Variants in FAF1 observed in about 807,000 individuals in gnomAD.
FAF1 encodes the protein Fas associated factor 1, also known as FAS-associated factor 1.
Under a neutral mutation model 92.5 loss-of-function variants are expected in FAF1, and 25 were observed. The observed-to-expected ratio is 0.27, with a 90% CI of 0.20 to 0.38. FAF1 has a LOEUF of 0.38. Among genes scored for constraint, FAF1 ranks in the 10% least tolerant of loss-of-function variants. The pLI, the probability that FAF1 is intolerant of heterozygous loss-of-function variation, is 1.00. For missense variants in FAF1, 636 were observed against 793.3 expected, an observed-to-expected ratio of 0.80 and a Z score of 2.38; for synonymous variants, 234 against 273.2, an observed-to-expected ratio of 0.86 and a Z score of 1.42.
chr1:50,558,764 G>T (rs1649720160), intron 13 of FAF1, among the ~76,000 whole-genome samples: 1 of 152,156 alleles, frequency 6.6e-6, no homozygotes, highest in Non-Finnish European at 1.5e-5. Context: ...TTCCTGAATA[G>T]CATTAATTAG....
At chr1:50,479,160 C>A (rs1646671722) in intron 17 of FAF1, among the ~76,000 whole-genome samples, 1 of 152,214 alleles carries the variant, frequency 6.6e-6, no homozygotes, top group African/African-American at 2.4e-5. Flanking sequence ...TTATGAATTT[C>A]AGTTTCCTCA....
chr1:50,557,643 A>T (rs544745517), intron 13 of FAF1, among the ~76,000 whole-genome samples: 7 of 152,278 alleles, frequency 4.6e-5, no homozygotes, highest in African/African-American at 1.7e-4. Context: ...AATTACTTAT[A>T]TCACTGAACT....
At chr1:50,623,775 CTACAAAAAA>C (rs1653325549) in intron 8 of FAF1, among the ~76,000 whole-genome samples, 1 of 151,656 alleles carries the variant, frequency 6.6e-6, no homozygotes, top group Non-Finnish European at 1.5e-5. Flanking sequence ...AACCCTGTCT[CTACAAAAAA>C]TACAAAAAAT....
chr1:50,492,068 AC>A (rs35112243), intron 15 of FAF1, among the ~76,000 whole-genome samples: 4,190 of 152,302 alleles, frequency 0.028, 173 homozygotes, highest in African/African-American at 0.093. Context: ...CAGTTTCCTC[AC>A]TTGCAAAACA....
intron 6 of FAF1, among the ~76,000 whole-genome samples, chr1:50,725,445 C>T (rs960281480): frequency 6.6e-6 from 1 of 152,084 alleles, no homozygotes; most frequent in South Asian, 2.1e-4. Flanking sequence ...AGGACAAAAA[C>T]AAAAAGACAT....
intron 6 of FAF1, among the ~76,000 whole-genome samples, chr1:50,707,977 T>G (rs991594979): frequency 6.6e-6 from 1 of 152,174 alleles, no homozygotes; most frequent in Non-Finnish European, 1.5e-5. Flanking sequence ...GCCCAGTTAA[T>G]TTTTGTATTT....
At chr1:50,724,308 C>CACATACACACACACACACAT (rs921544551) in intron 6 of FAF1, among the ~76,000 whole-genome samples, 1 of 140,166 alleles carries the variant, frequency 7.1e-6, no homozygotes, top group African/African-American at 2.6e-5. Context: ...CACACACACA[C>CACATACACACACACACACAT]ACACACACAC....
chr1:50,655,414 TA>T, intron 8 of FAF1, 27 bp downstream of exon 8: 1 of 1,501,372 alleles, frequency 6.7e-7, no homozygotes, highest in Non-Finnish European at 9.3e-7. Flanking sequence ...AAGGAGGATA[TA>T]AAACTGAAAA....
chr1:50,746,347 A>G (rs1336162190), intron 4 of FAF1, among the ~76,000 whole-genome samples: 3 of 113,958 alleles, frequency 2.6e-5, no homozygotes, highest in Non-Finnish European at 4.9e-5. Flanking sequence ...CTTGTTGCCC[A>G]GGCTGGAGTG....
At chr1:50,834,429 T>C (rs1266803837) in intron 2 of FAF1, among the ~76,000 whole-genome samples, 2 of 152,196 alleles carry the variant, frequency 1.3e-5, no homozygotes, top group African/African-American at 4.8e-5. Context: ...CTCAAAACCC[T>C]TCCCAAGAAA....
chr1:50,888,285 A>G (rs538299830), intron 1 of FAF1, among the ~76,000 whole-genome samples: 3 of 152,264 alleles, frequency 2.0e-5, no homozygotes, highest in African/African-American at 7.2e-5. Flanking sequence ...GGCTGAGACG[A>G]TGGGGTTTTC....
intron 7 of FAF1, among the ~76,000 whole-genome samples, chr1:50,687,892 T>C (rs1656740785): frequency 6.6e-6 from 1 of 151,964 alleles, no homozygotes; most frequent in South Asian, 2.1e-4. Context: ...TCCCAGCACT[T>C]TGTGAGGCCA....
chr1:50,502,640 G>A lies in FAF1; in HGVS notation c.1495-10839C>T, dbSNP rs557575042. On this transcript the variant is annotated intron_variant, in intron 15 of 18. Coordinates refer to ENST00000396153, the MANE Select transcript of FAF1 (RefSeq NM_007051.3). Reference sequence around the variant, plus strand: ...GCTGGAGGCTGGACTTGCCGTATATGTCAGCAGCCTGTTTTAAGATCCAGG... The same window carrying A: ...GCTGGAGGCTGGACTTGCCGTATATATCAGCAGCCTGTTTTAAGATCCAGG... 3.3e-5 allele frequency among the ~76,000 whole-genome samples: 5 copies of A among 152,282 alleles called. No homozygotes were observed. The East Asian group carries it at 9.7e-4, about 29-fold the overall frequency.
At chr1:50,513,267 C>A (rs1647160698) in intron 15 of FAF1, among the ~76,000 whole-genome samples, 1 of 152,090 alleles carries the variant, frequency 6.6e-6, no homozygotes, top group Non-Finnish European at 1.5e-5. Context: ...ATTGCTTGAG[C>A]CCAGGAGTTC....
chr1:50,724,296 T>TATAC (rs1553132403), intron 6 of FAF1, among the ~76,000 whole-genome samples: 4 of 117,136 alleles, frequency 3.4e-5, no homozygotes, highest in African/African-American at 9.4e-5. Flanking sequence ...CACACACACA[T>TATAC]ACACACACAC....
chr1:50,545,249 T>C (rs2149043248), intron 13 of FAF1, among the ~76,000 whole-genome samples: 1 of 152,260 alleles, frequency 6.6e-6, no homozygotes, highest in African/African-American at 2.4e-5. Context: ...AAATTACACA[T>C]ATTGAATTTG....
chr1:50,820,613 T>C lies in FAF1; in HGVS notation c.115-18936A>G, dbSNP rs112217847. On this transcript the variant is annotated intron_variant, in intron 2 of 18. Coordinates refer to ENST00000396153, the MANE Select transcript of FAF1 (RefSeq NM_007051.3). ...CTTAGATCCTCAGAATTTATTCATG[T>C]TACAACTGAAAGTTTGTACCCTTTG... Among the ~76,000 whole-genome samples the C allele has an allele frequency of 3.0e-3, 460 of 152,292 alleles. 4 individuals are homozygous for C. Among genetic ancestry groups the C allele is most frequent in the African/African-American group, 0.01 (434 of 41,564 alleles).
At chr1:50,500,858 A>C (rs1177891308) in intron 15 of FAF1, among the ~76,000 whole-genome samples, 2 of 152,170 alleles carry the variant, frequency 1.3e-5, no homozygotes, top group Non-Finnish European at 2.9e-5. Flanking sequence ...CTACAATTAT[A>C]AGCTGTTCAT....
chr1:50,513,726 C>G (rs544089681), intron 15 of FAF1, among the ~76,000 whole-genome samples: 1 of 152,206 alleles, frequency 6.6e-6, no homozygotes, highest in East Asian at 1.9e-4. Context: ...TATTTCAAAG[C>G]TTACAAAGCA....
Sources: allele counts gnomAD v4.1 joint callset (sites outside exome capture counted in the v4.1 genomes callset), GRCh38; gene constraint gnomAD v4.1.1; transcripts MANE v1.5; gene names NCBI Gene and HGNC (gene_info 2026-07-23, HGNC 2026-07-21).